The following MRPL13 variants were observed in gnomAD, a reference collection of about 807,000 sequenced individuals.
MRPL13 encodes large ribosomal subunit protein uL13m.
MRPL13 carries 33 observed loss-of-function variants against 29.0 expected under a neutral mutation model. The ratio of observed to expected loss-of-function variants is 1.14; its 90% CI spans 0.86 to 1.52. MRPL13 has a LOEUF of 1.52. Ranked by LOEUF, MRPL13 falls within the 40% of genes most tolerant of loss-of-function variation. The pLI, the probability that MRPL13 is intolerant of heterozygous loss-of-function variation, is 0.00. For missense variants in MRPL13, 227 were observed against 216.7 expected, an observed-to-expected ratio of 1.05 and a Z score of -0.30; for synonymous variants, 77 against 68.4, an observed-to-expected ratio of 1.13 and a Z score of -0.62.
chr8:120,440,773 T>C (rs1005340615), intron 2 of MRPL13, among the ~76,000 whole-genome samples: 1 of 151,716 alleles, frequency 6.6e-6, no homozygotes, highest in Non-Finnish European at 1.5e-5. Flanking sequence ...ACAGGGACCA[T>C]ATTATTTAGG....
chr8:120,443,863 A>C (rs952785089), intron 1 of MRPL13, among the ~76,000 whole-genome samples: 6 of 152,164 alleles, frequency 3.9e-5, no homozygotes, highest in Admixed American at 3.9e-4. Context: ...TTTCAACTTT[A>C]AAAAGTTGCC....
intron 6 of MRPL13, among the ~76,000 whole-genome samples, chr8:120,409,404 A>G (rs902349299): frequency 2.0e-5 from 3 of 152,200 alleles, no homozygotes; most frequent in African/African-American, 7.2e-5. Context: ...CCTTACAATG[A>G]GCATGATTAA....
chr8:120,416,397 G>C (rs886196659), intron 5 of MRPL13, among the ~76,000 whole-genome samples: 5 of 152,176 alleles, frequency 3.3e-5, no homozygotes, highest in Non-Finnish European at 7.3e-5. Context: ...GGGAGGCTGA[G>C]GCAGGAGAAT....
At chr8:120,418,656 C>A (rs566421648) in intron 5 of MRPL13, among the ~76,000 whole-genome samples, 1 of 151,996 alleles carries the variant, frequency 6.6e-6, no homozygotes, top group Non-Finnish European at 1.5e-5. Flanking sequence ...TACACTCAAA[C>A]GTATCTTGTA....
At chr8:120,437,486 T>C (rs1813068323) in intron 2 of MRPL13, among the ~76,000 whole-genome samples, 1 of 152,224 alleles carries the variant, frequency 6.6e-6, no homozygotes. Context: ...TATTAATTCA[T>C]TAATTCAGTT....
At chr8:120,425,395 TG>T in intron 3 of MRPL13, 29 bp from the exon 4 acceptor site, 1 of 1,512,308 alleles carries the variant, frequency 6.6e-7, no homozygotes, top group Non-Finnish European at 9.2e-7. Context: ...ACATTAAAAC[TG>T]GGCATAGGCT....
chr8:120,408,684 T>G (rs552748113), intron 6 of MRPL13, among the ~76,000 whole-genome samples: 68 of 152,356 alleles, frequency 4.5e-4, no homozygotes, highest in African/African-American at 1.6e-3. Context: ...CAGCAACTTA[T>G]GGATTAGAAA....
At chr8:120,436,391 C>G (rs757220514) in intron 2 of MRPL13, among the ~76,000 whole-genome samples, 5 of 152,104 alleles carry the variant, frequency 3.3e-5, no homozygotes, top group Admixed American at 3.3e-4. Context: ...GTAGTATTAT[C>G]TCACTGCGGT....
chr8:120,413,954 C>T, intron 6 of MRPL13, 37 bp downstream of exon 6: 2 of 1,464,618 alleles, frequency 1.4e-6, no homozygotes, highest in Non-Finnish European at 9.0e-7. Context: ...CAGAGGATAT[C>T]AAAAGAAAAA....
At chr8:120,427,960 A>G (rs1286756902) in intron 3 of MRPL13, among the ~76,000 whole-genome samples, 3 of 151,926 alleles carry the variant, frequency 2.0e-5, no homozygotes, top group African/African-American at 7.3e-5. Flanking sequence ...TACCACTGAG[A>G]CTCTTCACAG....
intron 6 of MRPL13, among the ~76,000 whole-genome samples, chr8:120,400,031 T>C (rs1812572971): frequency 6.6e-6 from 1 of 152,146 alleles, no homozygotes; most frequent in Non-Finnish European, 1.5e-5. Flanking sequence ...CACATGATAA[T>C]TGTGGGAGAC....
At chr8:120,420,492 T>C (rs1307861333) in intron 4 of MRPL13, among the ~76,000 whole-genome samples, 2 of 147,340 alleles carry the variant, frequency 1.4e-5, no homozygotes, top group Non-Finnish European at 3.0e-5. Flanking sequence ...ATATAAAATA[T>C]ATATAAATAT....
In MRPL13 at chr8:120,443,219, A is replaced by C. The variant is rs1326320312; in HGVS notation, c.117T>G (p.Leu39=). 1 of 1,609,138 alleles carries C rather than the reference A, an allele frequency of 6.2e-7. No homozygotes were observed. ...GKLAAMASIR[L]QGLHKPVYHA... is the part of the protein sequence containing the mutation. Reference sequence around the variant, plus strand: ...GGTACACAGGTTTATGTAATCCCTGAAGTCTTATAGATGCCATAGCAGCAA... The same window carrying C: ...GGTACACAGGTTTATGTAATCCCTGCAGTCTTATAGATGCCATAGCAGCAA... The change falls in exon 2 of 7, where the codon CTT becomes CTG. Residue 39 remains leucine (L), a synonymous_variant. Coordinates refer to ENST00000306185, the MANE Select transcript of MRPL13 (RefSeq NM_014078.6).
rs183761481 is a variant in MRPL13, at chr8:120,407,701, A to G, written c.515+6290T>C. Among the ~76,000 whole-genome samples the G allele has an allele frequency of 9.1e-3, 1,378 of 152,208 alleles. 24 individuals are homozygous for G. The highest frequency in any genetic ancestry group is 0.032 in the African/African-American group (1,313 of 41,524). ...AACAAAACAAAACAAAACAAAAAAT[A>G]CATTATTGGTCCTACTAAGAATAAT... is the stretch of plus-strand genomic sequence containing the variant. On this transcript the variant is annotated intron_variant, in intron 6 of 6. Transcript: ENST00000306185.
At chr8:120,407,723 T>C (rs547189561) in intron 6 of MRPL13, among the ~76,000 whole-genome samples, 53 of 152,220 alleles carry the variant, frequency 3.5e-4, no homozygotes, top group Admixed American at 1.1e-3. Context: ...CTACTAAGAA[T>C]AATTTATTTT....
chr8:120,405,963 G>T (rs1279443102), intron 6 of MRPL13, among the ~76,000 whole-genome samples: 1 of 152,170 alleles, frequency 6.6e-6, no homozygotes, highest in African/African-American at 2.4e-5. Context: ...GATGATAGGT[G>T]AATGTATATT....
At chr8:120,440,299 C>T (rs1422756520) in intron 2 of MRPL13, among the ~76,000 whole-genome samples, 1 of 152,110 alleles carries the variant, frequency 6.6e-6, no homozygotes, top group African/African-American at 2.4e-5. Flanking sequence ...AATATCTAGG[C>T]AGAGGGAACA....
intron 1 of MRPL13, 76 bp downstream of exon 1, chr8:120,444,992 A>G (rs369240854): frequency 1.4e-4 from 225 of 1,599,894 alleles, no homozygotes; most frequent in Non-Finnish European, 1.9e-4. Context: ...CAGCTTCACT[A>G]CTTAATCTGC....
chr8:120,443,734 A>C (rs1813161516), intron 1 of MRPL13, among the ~76,000 whole-genome samples: 1 of 152,024 alleles, frequency 6.6e-6, no homozygotes, highest in South Asian at 2.1e-4. Context: ...TATTAGGTAC[A>C]TTATATTGAA....
Sources: allele counts gnomAD v4.1 joint callset (sites outside exome capture counted in the v4.1 genomes callset), GRCh38; gene constraint gnomAD v4.1.1; transcripts MANE v1.5; gene names NCBI Gene and HGNC (gene_info 2026-07-23, HGNC 2026-07-21).